Variants in ADGRG4 observed in about 807,000 individuals in gnomAD.
ADGRG4 encodes G protein-coupled receptor 112.
In ADGRG4, 122 loss-of-function variants were observed where a neutral mutation model predicts 126.2. The ratio of observed to expected loss-of-function variants is 0.97; its 90% CI spans 0.83 to 1.12. The LOEUF is 1.12. Among genes scored for constraint, ADGRG4 ranks in the 50% most tolerant of loss-of-function variants. The pLI, the probability that ADGRG4 is intolerant of heterozygous loss-of-function variation, is 0.00. For missense variants in ADGRG4, 2,481 were observed against 2,251.8 expected (o/e 1.10, Z -2.06); for synonymous variants, 943 against 838.7 (o/e 1.12, Z -2.15).
chrX:136,348,009 A>G lies in ADGRG4; in HGVS notation c.4303A>G (p.Thr1435Ala). ...ATCAAATCCTATGGACATCAATACA[A>G]CTTTTTCACACTTGCATTCACTTAG... ...RISNPMDINT[T>A]FSHLHSLRTQ... Residue 1435 changes from threonine (T) to alanine (A), a missense_variant, in exon 6 of 26, where the codon ACT becomes GCT. Thr to Ala is a moderately conservative substitution (Grantham distance 58, BLOSUM62 0). Coordinates refer to ENST00000394143, the MANE Select transcript of ADGRG4 (RefSeq NM_153834.4). 1 of 1,210,225 alleles carries G rather than the reference A, an allele frequency of 8.3e-7. No individual in the cohort carries two copies. The highest frequency in any genetic ancestry group is 2.2e-5 in the Admixed American group (1 of 45,934).
At chrX:136,336,879 G>A (rs776590284) in intron 5 of ADGRG4, among the ~76,000 whole-genome samples, 1 of 111,651 alleles carries the variant, frequency 9.0e-6, no homozygotes, top group African/African-American at 3.3e-5. Context: ...ATGAAAATGT[G>A]ACTACTGTTG....
chrX:136,380,705 CCTT>C (rs1292845433), intron 15 of ADGRG4, among the ~76,000 whole-genome samples: 3 of 95,040 alleles, frequency 3.2e-5, no homozygotes, highest in South Asian at 5.6e-4. Flanking sequence ...TTCTCCTTCT[CCTT>C]CTTCTTCTTT....
chrX:136,302,747 A>G (rs939849451), intron 1 of ADGRG4, among the ~76,000 whole-genome samples: 2 of 111,940 alleles, frequency 1.8e-5, no homozygotes, highest in Admixed American at 9.5e-5. Flanking sequence ...TTGCAGAAGA[A>G]CAGGTAATAA....
At chrX:136,372,815 A>T (rs2075202688) in intron 14 of ADGRG4, 87 bp from the exon 15 acceptor site, 1 of 893,157 alleles carries the variant, frequency 1.1e-6, no homozygotes, top group African/African-American at 2.0e-5. Flanking sequence ...ACTCAAAGAA[A>T]AGTCTTGCAA....
At chrX:136,329,178 T>C (rs1237235674) in intron 5 of ADGRG4, among the ~76,000 whole-genome samples, 1 of 111,969 alleles carries the variant, frequency 8.9e-6, no homozygotes, top group Admixed American at 9.5e-5. Context: ...ATTATATTTA[T>C]AGAGGTCCTG....
intron 4 of ADGRG4, among the ~76,000 whole-genome samples, chrX:136,318,219 T>A (rs1182619817): frequency 8.9e-6 from 1 of 112,024 alleles, no homozygotes; most frequent in African/African-American, 3.2e-5. Flanking sequence ...TGGAAAAGGA[T>A]GAAGTACTGA....
chrX:136,393,531 C>G lies in ADGRG4; in HGVS notation c.8035-4C>G. The G allele has an allele frequency of 8.4e-7, 1 of 1,195,512 alleles. No homozygotes were observed. Among genetic ancestry groups the G allele is most frequent in the Non-Finnish European group, 1.1e-6 (1 of 883,862 alleles). ...ATGTTTACCTCTGATTTCTTTTTTTCCAGAATTATGGTCAAGTTCACTGTG... is the reference window on the plus strand; with the variant it reads ...ATGTTTACCTCTGATTTCTTTTTTTGCAGAATTATGGTCAAGTTCACTGTG... On this transcript the variant is annotated splice_region_variant and splice_polypyrimidine_tract_variant and intron_variant, in intron 17 of 25. Transcript: ENST00000394143.
chrX:136,316,391 T>C (rs1248398206), intron 4 of ADGRG4, among the ~76,000 whole-genome samples: 4 of 109,783 alleles, frequency 3.6e-5, no homozygotes, highest in African/African-American at 1.3e-4. Context: ...GGGATTTTGC[T>C]GAAAAAAAAA....
At chrX:136,412,026 A>G (rs1337488462) in intron 23 of ADGRG4, among the ~76,000 whole-genome samples, 9 of 112,650 alleles carry the variant, frequency 8.0e-5, no homozygotes, top group Non-Finnish European at 1.7e-4. Flanking sequence ...GGGCTACCTT[A>G]CCTCTCACAC....
chrX:136,406,667 A>C (rs1181822821), intron 23 of ADGRG4, among the ~76,000 whole-genome samples: 1 of 112,080 alleles, frequency 8.9e-6, no homozygotes, highest in Non-Finnish European at 1.9e-5. Context: ...GAATCCCAGC[A>C]CTTTTGGAGG....
chrX:136,309,938 A>T (rs1274776352), intron 4 of ADGRG4, among the ~76,000 whole-genome samples: 1 of 111,279 alleles, frequency 9.0e-6, no homozygotes, highest in African/African-American at 3.3e-5. Context: ...AATGATGAAA[A>T]TTTTCAACAT....
rs2075112429 is a variant in ADGRG4, at chrX:136,359,229, C to G, written c.6981-63C>G. 3.1e-6 allele frequency: 3 copies of G among 969,645 alleles called. No homozygotes were observed. In the African/African-American group the frequency reaches 5.9e-5, roughly 19 times the overall value. 79.9% of individuals were successfully genotyped at this position (969,645 alleles called of 1,213,427 possible). A position where few individuals can be genotyped will look rare whatever the true frequency, so the allele number is the denominator to read the frequency against. On this transcript the variant is annotated intron_variant, in intron 10 of 25. Coordinates refer to ENST00000394143, the MANE Select transcript of ADGRG4 (RefSeq NM_153834.4). ...TCAGCTGTACAGAATTTCTGCATTG[C>G]AGGCCAAGTTGCACTCCCTTGACAT... is the stretch of plus-strand genomic sequence containing the variant.
Position 136,323,161 on chromosome X carries a change from C to T in ADGRG4, c.454C>T (p.Leu152=), listed in dbSNP as rs752684929. 8.3e-7 allele frequency: 1 copy of T among 1,211,689 alleles called. No homozygotes were observed. ...ILEVTDQPHN[L]TPHGTLFLGH... Reference sequence around the variant, plus strand: ...GGAAGTAACGGATCAACCACACAACCTGACACCTCATGGGACTCTGTTCCT... The same window carrying T: ...GGAAGTAACGGATCAACCACACAACTTGACACCTCATGGGACTCTGTTCCT... Residue 152 remains leucine (L), a synonymous_variant, in exon 5 of 26, where the codon CTG becomes TTG. Coordinates refer to ENST00000394143, the MANE Select transcript of ADGRG4 (RefSeq NM_153834.4).
chrX:136,332,734 A>T (rs1308278029), intron 5 of ADGRG4, among the ~76,000 whole-genome samples: 118 of 104,659 alleles, frequency 1.1e-3, no homozygotes, highest in African/African-American at 4.0e-3. Flanking sequence ...TGTGGTTTTG[A>T]TTTGCATTTC....
chrX:136,386,209 T>C (rs183240386), intron 15 of ADGRG4, among the ~76,000 whole-genome samples: 2 of 112,207 alleles, frequency 1.8e-5, no homozygotes, highest in Admixed American at 1.9e-4. Context: ...ATTGTTGTTA[T>C]ATGCAGGAGA....
chrX:136,406,370 G>C (rs1485483135), intron 23 of ADGRG4, among the ~76,000 whole-genome samples: 4 of 111,999 alleles, frequency 3.6e-5, no homozygotes, highest in Admixed American at 1.9e-4. Flanking sequence ...AATATTTTGG[G>C]AAAGAGCCAG....
At chrX:136,325,543 G>T (rs1031959131) in intron 5 of ADGRG4, among the ~76,000 whole-genome samples, 1 of 111,299 alleles carries the variant, frequency 9.0e-6, no homozygotes, top group Non-Finnish European at 1.9e-5. Flanking sequence ...TTTGATCTAA[G>T]GAACCGGAAG....
chrX:136,335,260 A>G (rs2074941714), intron 5 of ADGRG4, among the ~76,000 whole-genome samples: 1 of 110,052 alleles, frequency 9.1e-6, no homozygotes, highest in Non-Finnish European at 1.9e-5. Context: ...TTATTTTTAT[A>G]TATTGTTTCA....
Position 136,350,400 on chromosome X carries a change from G to A in ADGRG4, c.6694G>A (p.Ala2232Thr), listed in dbSNP as rs1054682541. ...DSTPSFLSTEASTSPTATKST... is the reference protein window; with the variant it reads ...DSTPSFLSTETSTSPTATKST... ...CACACCTTCCTTTCTATCTACGGAA[G>A]CATCGACTTCGCCTACTGCCACCAA... Residue 2232 changes from alanine (A) to threonine (T), a missense_variant, in exon 6 of 26, where the codon GCA becomes ACA. Transcript: ENST00000394143. 3.3e-6 allele frequency: 4 copies of A among 1,206,982 alleles called. No individual in the cohort carries two copies. Among genetic ancestry groups the A allele is most frequent in the Admixed American group, 4.4e-5 (2 of 45,529 alleles).
Sources: allele counts gnomAD v4.1 joint callset (sites outside exome capture counted in the v4.1 genomes callset), GRCh38; gene constraint gnomAD v4.1.1; transcripts MANE v1.5; gene names NCBI Gene and HGNC (gene_info 2026-07-23, HGNC 2026-07-21).